The following LTBP2 variants were observed in gnomAD, a reference collection of about 807,000 sequenced individuals.
LTBP2 encodes the protein latent-transforming growth factor beta-binding protein 2.
LTBP2 carries 103 observed loss-of-function variants against 210.6 expected under a neutral mutation model. The observed-to-expected ratio is 0.49, with a 90% CI of 0.42 to 0.58. The LOEUF (loss-of-function observed/expected upper bound fraction) is 0.58. Among genes scored for constraint, LTBP2 ranks in the 20% least tolerant of loss-of-function variants. The probability of loss-of-function intolerance (pLI) is 0.00; values close to 1 mark genes in which losing one functional copy is unlikely to be tolerated. For synonymous variants in LTBP2, 1,007 were observed against 1,015.0 expected (o/e 0.99, Z 0.15); for missense variants, 2,313 against 2,494.5 (o/e 0.93, Z 1.55).
chr14:74,514,307 A>T (rs923079841), intron 18 of LTBP2, among the ~76,000 whole-genome samples: 1 of 152,214 alleles, frequency 6.6e-6, no homozygotes, highest in Non-Finnish European at 1.5e-5. Context: ...CCCATGGCCG[A>T]CACAGCTGGT....
At position 74,532,871 on chromosome 14, in the gene LTBP2, G is replaced by A. The variant is rs963713012; in HGVS notation, c.1865-323C>T. 1.2e-4 allele frequency among the ~76,000 whole-genome samples: 19 copies of A among 152,126 alleles called. No individual in the cohort carries two copies. The South Asian group carries it at 1.5e-3, about 12-fold the overall frequency. On this transcript the variant is annotated intron_variant, in intron 9 of 35. Coordinates refer to ENST00000261978, the MANE Select transcript of LTBP2 (RefSeq NM_000428.3). ...TATCTATTTTTTGAGACAGAGTCTC[G>A]TTTTGCCACCCAGGCTGGAGTGCAG...
intron 14 of LTBP2, 24 bp from the exon 15 acceptor site, chr14:74,525,249 G>A: frequency 7.8e-7 from 1 of 1,274,734 alleles, no homozygotes; most frequent in Middle Eastern, 2.1e-4. Context: ...AGGGGAAGAG[G>A]TGGGGTTGTG....
chr14:74,525,913 T>C (rs1333869741), intron 14 of LTBP2, among the ~76,000 whole-genome samples, 162 bp downstream of exon 14: 2 of 152,218 alleles, frequency 1.3e-5, no homozygotes, highest in African/African-American at 4.8e-5. Context: ...CTTAGGTGTA[T>C]AGAGAGCTCC....
chr14:74,552,061 G>C (rs1482466559), intron 6 of LTBP2, 126 bp downstream of exon 6: 1 of 859,698 alleles, frequency 1.2e-6, no homozygotes, highest in East Asian at 2.7e-5. Context: ...AGGAGAAAGA[G>C]GGAGGTTTGA....
At chr14:74,520,578 G>C (rs1222447870) in intron 17 of LTBP2, among the ~76,000 whole-genome samples, 1 of 152,156 alleles carries the variant, frequency 6.6e-6, no homozygotes, top group African/African-American at 2.4e-5. Context: ...CGAGGCGGGT[G>C]GATCACAAGA....
At position 74,611,310 on chromosome 14, in the gene LTBP2, C is replaced by T. The variant is rs1039026269; in HGVS notation, c.494+141G>A. The stretch of plus-strand genomic sequence containing the variant: ...AAATCTTCCAATCCCGATTTTGGAA[C>T]CTCGGGGCTGTTTCCCGAAGTACTA... On this transcript the variant is annotated intron_variant, in intron 1 of 35. Transcript: ENST00000261978. 16 of 973,666 alleles carry T rather than the reference C, an allele frequency of 1.6e-5. No individual in the cohort carries two copies. In the African/African-American group the frequency reaches 2.2e-4, roughly 13 times the overall value. 60.3% of individuals were successfully genotyped at this position (973,666 alleles called of 1,614,324 possible). A position where few individuals can be genotyped will look rare whatever the true frequency, so the allele number is the denominator to read the frequency against.
intron 8 of LTBP2, among the ~76,000 whole-genome samples, chr14:74,542,229 G>GTC (rs2087516987): frequency 6.6e-6 from 1 of 152,248 alleles, no homozygotes; most frequent in South Asian, 2.1e-4. Context: ...CCTTGGCCCT[G>GTC]TCCACCCTCT....
intron 18 of LTBP2, among the ~76,000 whole-genome samples, chr14:74,512,692 T>C (rs1041709267): frequency 2.6e-5 from 4 of 152,164 alleles, no homozygotes; most frequent in African/African-American, 9.7e-5. Flanking sequence ...GGGCAGGTGG[T>C]TTTCAGGTGG....
At chr14:74,561,416 T>C (rs1208310115) in intron 3 of LTBP2, among the ~76,000 whole-genome samples, 3 of 152,190 alleles carry the variant, frequency 2.0e-5, no homozygotes, top group Admixed American at 6.5e-5. Context: ...TTTTAGTGAA[T>C]GAAAAAACTG....
At position 74,555,551 on chromosome 14, in the gene LTBP2, C is replaced by T. The variant is rs763105628; in HGVS notation, c.973G>A (p.Asp325Asn). 28 of 1,613,012 alleles carry T rather than the reference C, an allele frequency of 1.7e-5. No homozygotes were observed. In the South Asian group the frequency reaches 2.9e-4, roughly 16 times the overall value. The stretch of plus-strand genomic sequence containing the variant: ...AGAGGTACCGCCTGTTGGGTGCCAT[C>T]TCTCTGCTCAAGGCCTGGTCCCGGG... Reference protein sequence around the residue: ...LPPGPGLEQRDGTQQAVPLEH... With the variant: ...LPPGPGLEQRNGTQQAVPLEH... The change falls in exon 4 of 36, where the codon GAT becomes AAT. Residue 325 changes from aspartate (D) to asparagine (N), a missense_variant. This residue lies in a region of LTBP2 where 1,867 missense variants were observed against 1,976.9 expected (regional missense o/e 0.94). Transcript: ENST00000261978.
Position 74,552,231 on chromosome 14 carries a change from G to A in LTBP2, c.1355C>T (p.Pro452Leu). The change falls in exon 6 of 36, where the codon CCA becomes CTA. Residue 452 changes from proline (P) to leucine (L), a missense_variant. By Grantham distance (98) the Pro-to-Leu change is moderately conservative (BLOSUM62 -3). Transcript: ENST00000261978. The part of the protein sequence containing the change: ...GSRPRALLEA[P>L]LKQSTFTLPL... Reference sequence around the variant, plus strand: ...CAGTGTGAAAGTGGACTGCTTCAGTGGGGCTTCCAGCAAGGCCCTGGGGCG... The same window carrying A: ...CAGTGTGAAAGTGGACTGCTTCAGTAGGGCTTCCAGCAAGGCCCTGGGGCG... 1 of 1,612,660 alleles carries A rather than the reference G, an allele frequency of 6.2e-7. No homozygotes were observed. Among genetic ancestry groups the A allele is most frequent in the Non-Finnish European group, 8.5e-7 (1 of 1,179,776 alleles).
chr14:74,568,770 A>T (rs535702908), intron 3 of LTBP2, among the ~76,000 whole-genome samples: 1 of 152,300 alleles, frequency 6.6e-6, no homozygotes, highest in Admixed American at 6.5e-5. Flanking sequence ...CATTCTGCAG[A>T]TATTCTAGTT....
intron 3 of LTBP2, among the ~76,000 whole-genome samples, chr14:74,570,101 G>C (rs2087956176): frequency 6.6e-6 from 1 of 152,266 alleles, no homozygotes; most frequent in Admixed American, 6.5e-5. Flanking sequence ...GAGATTGGAG[G>C]AGGGGCTGGA....
intron 3 of LTBP2, among the ~76,000 whole-genome samples, chr14:74,558,824 C>A (rs1333515509): frequency 6.6e-6 from 1 of 152,126 alleles, no homozygotes; most frequent in East Asian, 1.9e-4. Context: ...ACCATGTATT[C>A]CCTAGTCATA....
intron 3 of LTBP2, among the ~76,000 whole-genome samples, chr14:74,581,958 C>T (rs562637303): frequency 2.0e-5 from 3 of 152,074 alleles, no homozygotes; most frequent in African/African-American, 7.2e-5. Flanking sequence ...CCACTCAGGG[C>T]TCAGCACTGC....
intron 2 of LTBP2, among the ~76,000 whole-genome samples, chr14:74,592,880 G>A (rs2088302070): frequency 6.6e-6 from 1 of 152,098 alleles, no homozygotes; most frequent in South Asian, 2.1e-4. Flanking sequence ...ACACTGTGAC[G>A]AAGCCTCCTC....
chr14:74,502,749 G>A lies in LTBP2; in HGVS notation c.5074C>T (p.Pro1692Ser). 1 of 1,614,224 alleles carries A rather than the reference G, an allele frequency of 6.2e-7. No individual in the cohort carries two copies. The highest frequency in any genetic ancestry group is 8.5e-7 in the Non-Finnish European group (1 of 1,180,042). The change falls in exon 34 of 36, where the codon CCC becomes TCC. Residue 1692 changes from proline (P) to serine (S), a missense_variant. By Grantham distance (74) the Pro-to-Ser change is moderately conservative. Transcript: ENST00000261978. ...PEDTVPEPAF[P>S]NTAGHSADRT... is the part of the protein sequence containing the mutation. The stretch of plus-strand genomic sequence containing the variant: ...TCCGCTGAGTGACCGGCTGTGTTGG[G>A]GAAGGCAGGCTCAGGGACGGTGTCC...
rs372747742 is a variant in LTBP2 at position 74,502,737 on chromosome 14, C to T, written c.5086G>A (p.Gly1696Ser). The T allele has an allele frequency of 9.3e-5, 150 of 1,614,042 alleles. No homozygotes were observed. In the East Asian group the frequency reaches 2.0e-3, roughly 22 times the overall value. Residue 1696 changes from glycine to serine, a missense_variant, in exon 34 of 36, where the codon GGT (glycine) becomes AGT (serine). By Grantham distance (56) the Gly-to-Ser change is moderately conservative. Transcript: ENST00000261978. Reference sequence around the variant, plus strand: ...ATGGGTGTGCGGTCCGCTGAGTGACCGGCTGTGTTGGGGAAGGCAGGCTCA... The same window carrying T: ...ATGGGTGTGCGGTCCGCTGAGTGACTGGCTGTGTTGGGGAAGGCAGGCTCA... ...VPEPAFPNTA[G>S]HSADRTPILE...
rs775737836 is a variant in LTBP2 at position 74,501,017 on chromosome 14, C to A, written c.5333G>T (p.Cys1778Phe). ...CACAGCAGGCCCGTTCAAGTCATCACACTCATTCACATCTAAGAGGAAACA... is the reference window on the plus strand; with the variant it reads ...CACAGCAGGCCCGTTCAAGTCATCAAACTCATTCACATCTAAGAGGAAACA... ...AHMACVDVNECDDLNGPAVLC... is the reference protein window; with the variant it reads ...AHMACVDVNEFDDLNGPAVLC... Residue 1778 changes from cysteine to phenylalanine, a missense_variant, in exon 36 of 36, where the codon TGT becomes TTT. This residue lies in a region of LTBP2 where 443 missense variants were observed against 501.4 expected (regional missense o/e 0.88). Coordinates refer to ENST00000261978, the MANE Select transcript of LTBP2 (RefSeq NM_000428.3). 1.9e-6 allele frequency: 3 copies of A among 1,613,764 alleles called. No individual in the cohort carries two copies. The highest frequency in any genetic ancestry group is 2.5e-6 in the Non-Finnish European group (3 of 1,179,850).
Sources: allele counts gnomAD v4.1 joint callset (sites outside exome capture counted in the v4.1 genomes callset), GRCh38; gene constraint gnomAD v4.1.1; regional missense constraint gnomAD v4.1.1; transcripts MANE v1.5; gene names NCBI Gene and HGNC (gene_info 2026-07-23, HGNC 2026-07-21).